The following TYW1B variants were observed in gnomAD, a reference collection of about 807,000 sequenced individuals.
The protein encoded by TYW1B is S-adenosyl-L-methionine-dependent tRNA 4-demethylwyosine synthase TYW1B.
TYW1B carries 73 observed loss-of-function variants against 86.9 expected under a neutral mutation model. The ratio of observed to expected loss-of-function variants is 0.84; its 90% CI spans 0.70 to 1.02. The LOEUF (loss-of-function observed/expected upper bound fraction) is 1.02, where lower values mean the gene tolerates loss of function less well. TYW1B is among the 50% of genes least tolerant of loss of function. The pLI, the probability that TYW1B is intolerant of heterozygous loss-of-function variation, is 0.00. For missense variants in TYW1B, 637 were observed against 827.4 expected (o/e 0.77, Z 2.82); for synonymous variants, 248 against 292.8 (o/e 0.85, Z 1.56).
intron 2 of TYW1B, among the ~76,000 whole-genome samples, chr7:72,824,505 C>T (rs1187644993): frequency 3.3e-5 from 5 of 152,096 alleles, no homozygotes; most frequent in Non-Finnish European, 7.4e-5. Flanking sequence ...CTTTAGGAGG[C>T]TGAGGCGGGT....
At chr7:72,765,885 G>T (rs1167085347) in intron 7 of TYW1B, among the ~76,000 whole-genome samples, 6 of 152,132 alleles carry the variant, frequency 3.9e-5, no homozygotes, top group Non-Finnish European at 8.8e-5. Flanking sequence ...GGAAGAAAAA[G>T]TTGCTATTTT....
chr7:72,673,917 ACT>A (rs1157988111), intron 11 of TYW1B, among the ~76,000 whole-genome samples: 5 of 151,878 alleles, frequency 3.3e-5, no homozygotes, highest in Non-Finnish European at 7.4e-5. Flanking sequence ...TAAAAACAAA[ACT>A]CTTTTTAGAA....
intron 9 of TYW1B, among the ~76,000 whole-genome samples, chr7:72,728,588 C>T (rs552725396): frequency 2.0e-5 from 3 of 152,262 alleles, no homozygotes; most frequent in African/African-American, 7.2e-5. Flanking sequence ...ATTAGACAGG[C>T]GTGAGCCATC....
At chr7:72,761,784 G>T (rs1331372483) in intron 7 of TYW1B, among the ~76,000 whole-genome samples, 1 of 151,690 alleles carries the variant, frequency 6.6e-6, no homozygotes, top group Non-Finnish European at 1.5e-5. Flanking sequence ...ACAAAGAAAA[G>T]AATAACTTTG....
intron 10 of TYW1B, among the ~76,000 whole-genome samples, chr7:72,702,986 C>CTATCTATA (rs1452738770): frequency 1.4e-4 from 5 of 36,306 alleles, no homozygotes; most frequent in South Asian, 1.0e-3. Context: ...ATCTATCTAT[C>CTATCTATA]TATATATATA....
In TYW1B at chr7:72,827,186, T is replaced by C. The variant is rs183599948; in HGVS notation, c.5-201A>G. Among the ~76,000 whole-genome samples, 598 of 152,084 alleles carry C rather than the reference T, an allele frequency of 3.9e-3. 2 individuals carry two copies. The highest frequency in any genetic ancestry group is 0.014 in the African/African-American group (562 of 41,466). On this transcript the variant is annotated intron_variant, in intron 1 of 13. Transcript: ENST00000620995. ...ACTTTGGGTGGCTGAGGCGGGCAGA[T>C]CACCTGAGGTCAGGAGTTCGAGACC...
chr7:72,584,448 G>C (rs1554430140), intron 13 of TYW1B, among the ~76,000 whole-genome samples: 5 of 151,676 alleles, frequency 3.3e-5, no homozygotes, highest in African/African-American at 1.2e-4. Context: ...ACAGAAAACA[G>C]TGTATATTCC....
At chr7:72,640,051 G>A (rs533559007) in intron 11 of TYW1B, among the ~76,000 whole-genome samples, 53 of 151,978 alleles carry the variant, frequency 3.5e-4, no homozygotes, top group Admixed American at 1.4e-3. Flanking sequence ...GCATGCCTGC[G>A]TCAATCACGA....
intron 11 of TYW1B, among the ~76,000 whole-genome samples, chr7:72,692,561 C>G (rs1554450538): frequency 6.6e-6 from 1 of 151,914 alleles, no homozygotes; most frequent in Non-Finnish European, 1.5e-5. Flanking sequence ...GTGTACTATG[C>G]TAGACATTGT....
chr7:72,825,535 C>T (rs1554481284), intron 2 of TYW1B, among the ~76,000 whole-genome samples: 2 of 152,112 alleles, frequency 1.3e-5, no homozygotes, highest in Non-Finnish European at 2.9e-5. Flanking sequence ...AAAGATTAGC[C>T]AGAGCGTGGT....
At chr7:72,741,494 G>T (rs1303173364) in intron 8 of TYW1B, among the ~76,000 whole-genome samples, 1 of 152,060 alleles carries the variant, frequency 6.6e-6, no homozygotes, top group African/African-American at 2.4e-5. Context: ...AAAAGAGCTG[G>T]GGGACACCAT....
At chr7:72,768,392 A>G (rs1554468945) in intron 7 of TYW1B, among the ~76,000 whole-genome samples, 1 of 152,152 alleles carries the variant, frequency 6.6e-6, no homozygotes, top group Non-Finnish European at 1.5e-5. Flanking sequence ...TTTGGGGACA[A>G]TATGTTTATC....
intron 11 of TYW1B, among the ~76,000 whole-genome samples, chr7:72,682,147 G>A (rs1813889775): frequency 6.6e-6 from 1 of 151,710 alleles, no homozygotes; most frequent in South Asian, 2.1e-4. Context: ...CAAAGTGCTG[G>A]AATTAAAGGC....
intron 7 of TYW1B, among the ~76,000 whole-genome samples, chr7:72,773,939 C>G (rs749831344): frequency 6.6e-6 from 1 of 151,496 alleles, no homozygotes; most frequent in Non-Finnish European, 1.5e-5. Flanking sequence ...GTGGCGCATG[C>G]GTGTAATCCC....
intron 9 of TYW1B, among the ~76,000 whole-genome samples, chr7:72,718,279 C>T (rs1245222561): frequency 6.6e-6 from 1 of 151,938 alleles, no homozygotes; most frequent in African/African-American, 2.4e-5. Flanking sequence ...TGGGTACACA[C>T]GGACCTAAAG....
chr7:72,629,971 G>C (rs1450634017), intron 11 of TYW1B, among the ~76,000 whole-genome samples: 2 of 152,074 alleles, frequency 1.3e-5, no homozygotes, highest in African/African-American at 4.8e-5. Flanking sequence ...AAAAATCTCA[G>C]GACAACATTA....
intron 11 of TYW1B, among the ~76,000 whole-genome samples, chr7:72,664,009 ATCT>A (rs781879659): frequency 2.3e-4 from 35 of 152,100 alleles, no homozygotes; most frequent in East Asian, 1.4e-3. Flanking sequence ...ACTCTCTTAC[ATCT>A]TCTTTTCTAC....
At chr7:72,616,435 G>A (rs1222899759) in intron 13 of TYW1B, among the ~76,000 whole-genome samples, 1 of 152,142 alleles carries the variant, frequency 6.6e-6, no homozygotes, top group African/African-American at 2.4e-5. Context: ...TTCTAAAATT[G>A]CAAACCAGAA....
chr7:72,630,999 T>G lies in TYW1B; in HGVS notation c.1507-2002A>C, dbSNP rs181575278. ...TAGGCTATACAGTAATATAATTCAT[T>G]ATACTAGTAGTTCAACACAGAAAAA... On this transcript the variant is annotated intron_variant, in intron 11 of 13. Coordinates refer to ENST00000620995, the MANE Select transcript of TYW1B (RefSeq NM_001145440.3). Among the ~76,000 whole-genome samples the G allele has an allele frequency of 2.0e-3, 299 of 152,220 alleles. 2 individuals are homozygous for G. The highest frequency in any genetic ancestry group is 6.9e-3 in the African/African-American group (287 of 41,530).
Sources: gnomAD v4.1 joint callset for allele counts (sites outside exome capture counted in the v4.1 genomes callset) on GRCh38, gnomAD v4.1.1 for gene constraint, MANE v1.5 for transcripts, NCBI Gene and HGNC (gene_info 2026-07-23, HGNC 2026-07-21) for gene names.